Variants in CLSTN2 observed in about 807,000 individuals in gnomAD.
CLSTN2 encodes calsyntenin-2.
In CLSTN2, 48 loss-of-function variants were observed where a neutral mutation model predicts 101.2. That is an observed-to-expected ratio of 0.47 (90% CI 0.38 to 0.60). CLSTN2 has a LOEUF of 0.60. CLSTN2 is among the 20% of genes least tolerant of loss of function. The pLI is 0.00. For missense variants in CLSTN2, 1,160 were observed against 1,238.2 expected (o/e 0.94, Z 0.95); for synonymous variants, 481 against 463.6 (o/e 1.04, Z -0.48).
In CLSTN2 at chr3:140,249,082, C is replaced by T. The variant is rs535075601; in HGVS notation, c.232+73009C>T. 6.6e-5 allele frequency among the ~76,000 whole-genome samples: 10 copies of T among 152,258 alleles called. No individual in the cohort carries two copies. In the South Asian group the frequency reaches 2.1e-3, roughly 32 times the overall value. ...TCCCAGTCACAGTTCCTATTCCTTC[C>T]CTGCTGCTTCTGAGCACAACCCTAT... On this transcript the variant is annotated intron_variant, in intron 2 of 16. Coordinates refer to ENST00000458420, the MANE Select transcript of CLSTN2 (RefSeq NM_022131.3).
chr3:140,074,357 A>G (rs1331244979), intron 1 of CLSTN2, among the ~76,000 whole-genome samples: 2 of 151,894 alleles, frequency 1.3e-5, no homozygotes, highest in African/African-American at 4.8e-5. Context: ...CGGGGTGTTG[A>G]CTGGAGATGC....
chr3:140,061,938 T>C (rs928181691), intron 1 of CLSTN2, among the ~76,000 whole-genome samples: 2 of 152,240 alleles, frequency 1.3e-5, no homozygotes, highest in African/African-American at 4.8e-5. Flanking sequence ...TTAAAATGGC[T>C]GTTTTTGCAG....
rs539439338 is a variant in CLSTN2, at chr3:140,458,177, T to G, written c.974-1344T>G. ...CATTTTAATGGTAGGAGATTTTTTT[T>G]TTTTTTGTAGTGGCTGACTTTGGAA... is the stretch of plus-strand genomic sequence containing the variant. On this transcript the variant is annotated intron_variant, in intron 6 of 16. Coordinates refer to ENST00000458420, the MANE Select transcript of CLSTN2 (RefSeq NM_022131.3). Among the ~76,000 whole-genome samples, 67 of 152,026 alleles carry G rather than the reference T, an allele frequency of 4.4e-4. No homozygotes were observed. The East Asian group carries it at 9.1e-3, about 21-fold the overall frequency.
intron 1 of CLSTN2, among the ~76,000 whole-genome samples, chr3:140,138,885 TCA>T (rs2009655088): frequency 6.6e-6 from 1 of 152,230 alleles, no homozygotes. Context: ...CGGCATTTTC[TCA>T]CATTCTTTCT....
At chr3:140,497,054 T>C (rs962286837) in intron 8 of CLSTN2, among the ~76,000 whole-genome samples, 1 of 150,688 alleles carries the variant, frequency 6.6e-6, no homozygotes, top group African/African-American at 2.4e-5. Flanking sequence ...TAAGCCGAGA[T>C]TGCGCTATTA....
At chr3:139,954,348 C>T (rs1424989828) in intron 1 of CLSTN2, among the ~76,000 whole-genome samples, 1 of 152,150 alleles carries the variant, frequency 6.6e-6, no homozygotes, top group Middle Eastern at 3.2e-3. Flanking sequence ...TTGTGTGCAG[C>T]ACTTAAACTT....
chr3:140,075,836 G>A (rs1576418262), intron 1 of CLSTN2, among the ~76,000 whole-genome samples: 2 of 152,104 alleles, frequency 1.3e-5, no homozygotes, highest in Middle Eastern at 6.8e-3. Context: ...GGGACAGGAG[G>A]GGCCGTGTCA....
At chr3:140,168,018 T>C (rs1341814636) in intron 1 of CLSTN2, among the ~76,000 whole-genome samples, 1 of 152,234 alleles carries the variant, frequency 6.6e-6, no homozygotes, top group Non-Finnish European at 1.5e-5. Flanking sequence ...TCTGTGATCA[T>C]TTCTATACAA....
At chr3:140,221,347 T>A (rs1193093371) in intron 2 of CLSTN2, among the ~76,000 whole-genome samples, 1 of 152,216 alleles carries the variant, frequency 6.6e-6, no homozygotes, top group African/African-American at 2.4e-5. Flanking sequence ...GATTATGGGG[T>A]GTTGCCCTCA....
At chr3:140,509,956 A>C (rs530642705) in intron 8 of CLSTN2, among the ~76,000 whole-genome samples, 1 of 152,256 alleles carries the variant, frequency 6.6e-6, no homozygotes, top group African/African-American at 2.4e-5. Flanking sequence ...TGAAAATACC[A>C]TAAATTAAAA....
At chr3:140,395,474 C>T (rs1017023483) in intron 2 of CLSTN2, among the ~76,000 whole-genome samples, 5 of 152,174 alleles carry the variant, frequency 3.3e-5, no homozygotes, top group African/African-American at 9.7e-5. Context: ...ACTTGAGAAC[C>T]ACCCAAGGTC....
At chr3:140,179,257 A>C (rs1373416959) in intron 2 of CLSTN2, among the ~76,000 whole-genome samples, 1 of 152,024 alleles carries the variant, frequency 6.6e-6, no homozygotes, top group African/African-American at 2.4e-5. Flanking sequence ...ATGTTTTCAC[A>C]ACCCCAGAAA....
At chr3:140,493,279 G>T (rs1297273154) in intron 8 of CLSTN2, among the ~76,000 whole-genome samples, 1 of 152,206 alleles carries the variant, frequency 6.6e-6, no homozygotes, top group Non-Finnish European at 1.5e-5. Flanking sequence ...TCACACTCAA[G>T]TCAGCAAATT....
intron 5 of CLSTN2, among the ~76,000 whole-genome samples, chr3:140,427,040 G>GTTTGAGAAATAGTAGA (rs2088572541): frequency 2.1e-4 from 30 of 144,852 alleles, no homozygotes; most frequent in African/African-American, 7.4e-4. Context: ...GCCAGGCATG[G>GTTTGAGAAATAGTAGA]TGGTGCATGC....
chr3:140,466,961 T>A (rs574760617), intron 8 of CLSTN2, among the ~76,000 whole-genome samples: 2 of 152,312 alleles, frequency 1.3e-5, no homozygotes, highest in East Asian at 3.9e-4. Context: ...TGCTGCTGGG[T>A]CACTGGACCT....
At chr3:140,467,908 T>C (rs1476944924) in intron 8 of CLSTN2, among the ~76,000 whole-genome samples, 1 of 152,178 alleles carries the variant, frequency 6.6e-6, no homozygotes. Flanking sequence ...GAAGTACACA[T>C]GTATGTTCTC....
chr3:140,552,023 G>C (rs145260982), intron 10 of CLSTN2, among the ~76,000 whole-genome samples: 1 of 151,964 alleles, frequency 6.6e-6, no homozygotes, highest in Non-Finnish European at 1.5e-5. Flanking sequence ...ACTTAATATG[G>C]ACCATGGGCA....
At chr3:140,203,474 T>G (rs1020335610) in intron 2 of CLSTN2, among the ~76,000 whole-genome samples, 21 of 141,588 alleles carry the variant, frequency 1.5e-4, no homozygotes, top group African/African-American at 4.3e-4. Context: ...TTTTTTTTTT[T>G]TTTTTTTTTT....
intron 8 of CLSTN2, among the ~76,000 whole-genome samples, chr3:140,474,966 C>A (rs535259449): frequency 7.8e-6 from 1 of 128,914 alleles, no homozygotes; most frequent in South Asian, 2.2e-4. Context: ...CCCCACTACA[C>A]GCAATGATAA....
Sources: gnomAD v4.1 joint callset for allele counts (sites outside exome capture counted in the v4.1 genomes callset) on GRCh38, gnomAD v4.1.1 for gene constraint, MANE v1.5 for transcripts, NCBI Gene and HGNC (gene_info 2026-07-23, HGNC 2026-07-21) for gene names.